Variants in MSRA observed in about 807,000 individuals in gnomAD.
MSRA encodes the protein methionine sulfoxide reductase A, also known as mitochondrial peptide methionine sulfoxide reductase.
Under a neutral mutation model 31.3 loss-of-function variants are expected in MSRA, and 54 were observed. The observed-to-expected ratio is 1.73, with a 90% CI of 1.39 to 2.17. The LOEUF (loss-of-function observed/expected upper bound fraction) is 2.17, where lower values mean the gene tolerates loss of function less well. Among genes scored for constraint, MSRA ranks in the 30% most tolerant of loss-of-function variants. The pLI is 0.00. For missense variants in MSRA, 507 were observed against 300.9 expected, an observed-to-expected ratio of 1.69 and a Z score of -5.07; for synonymous variants, 169 against 116.5, an observed-to-expected ratio of 1.45 and a Z score of -2.90.
At chr8:10,263,255 G>A (rs1042079732) in intron 3 of MSRA, among the ~76,000 whole-genome samples, 2 of 152,048 alleles carry the variant, frequency 1.3e-5, no homozygotes, top group Non-Finnish European at 1.5e-5. Context: ...CTTCCCTACT[G>A]GCCTCACCAT....
chr8:10,245,265 G>A, intron 3 of MSRA, 42 bp downstream of exon 3: 2 of 1,591,216 alleles, frequency 1.3e-6, no homozygotes, highest in South Asian at 1.1e-5. Flanking sequence ...GAGAAACAAG[G>A]GAGGGCTTGT....
At chr8:10,093,725 T>C (rs919850451) in intron 1 of MSRA, among the ~76,000 whole-genome samples, 119 of 152,254 alleles carry the variant, frequency 7.8e-4, no homozygotes, top group Admixed American at 7.6e-3. Flanking sequence ...CCTATATTTC[T>C]TCATTGATTT....
intron 1 of MSRA, among the ~76,000 whole-genome samples, chr8:10,089,225 T>G (rs1323318509): frequency 6.6e-6 from 1 of 152,240 alleles, no homozygotes; most frequent in Non-Finnish European, 1.5e-5. Flanking sequence ...GCCATCTATA[T>G]GCATCCCGTA....
At chr8:10,054,759 G>A in intron 1 of MSRA, 101 bp downstream of exon 1, 18 of 1,271,066 alleles carry the variant, frequency 1.4e-5, no homozygotes, top group Non-Finnish European at 1.8e-5. Context: ...CCGTGGGCTG[G>A]CCTCGGGCGG....
intron 5 of MSRA, among the ~76,000 whole-genome samples, chr8:10,416,227 C>T (rs1020831477): frequency 6.6e-6 from 1 of 152,188 alleles, no homozygotes; most frequent in Non-Finnish European, 1.5e-5. Context: ...GTGCCTAGCC[C>T]GGTCCTTGAC....
intron 1 of MSRA, among the ~76,000 whole-genome samples, chr8:10,191,655 A>T (rs1807516951): frequency 6.6e-6 from 1 of 152,148 alleles, no homozygotes; most frequent in African/African-American, 2.4e-5. Context: ...CCACATAGAG[A>T]TAGTCTCCAA....
chr8:10,060,262 T>C (rs902887114), intron 1 of MSRA, among the ~76,000 whole-genome samples: 2 of 152,146 alleles, frequency 1.3e-5, no homozygotes, highest in Admixed American at 6.5e-5. Context: ...ATTGTCACAA[T>C]GGATATGCAG....
intron 3 of MSRA, among the ~76,000 whole-genome samples, chr8:10,283,832 T>TACACACACAC (rs1338639680): frequency 9.2e-5 from 6 of 65,324 alleles, no homozygotes; most frequent in Non-Finnish European, 1.5e-4. Flanking sequence ...TATATATATA[T>TACACACACAC]ATATACACAC....
intron 5 of MSRA, among the ~76,000 whole-genome samples, chr8:10,395,587 C>T (rs1056655180): frequency 2.0e-5 from 3 of 152,170 alleles, no homozygotes; most frequent in African/African-American, 4.8e-5. Context: ...AAGGCTCTTG[C>T]AGAAGTCCAG....
intron 5 of MSRA, among the ~76,000 whole-genome samples, chr8:10,366,497 G>A (rs890496284): frequency 2.0e-5 from 3 of 152,258 alleles, no homozygotes; most frequent in African/African-American, 7.2e-5. Flanking sequence ...CGGAGTCAAG[G>A]CATGCTGCCT....
Position 10,207,870 on chromosome 8 carries a change from T to C in MSRA, c.180T>C (p.Pro60=), listed in dbSNP as rs1453010619. Residue 60 remains proline (P), a synonymous_variant, in exon 2 of 6, where the codon CCT becomes CCC. Coordinates refer to ENST00000317173, the MANE Select transcript of MSRA (RefSeq NM_012331.5). ...HHVNGNRTVE[P]FPEGTQMAVF... is the part of the protein sequence containing the mutation. ...TCAATGGCAACAGAACAGTCGAACC[T>C]TTCCCAGAGGGAACACAGATGGCTG... is the stretch of plus-strand genomic sequence containing the variant. 1 of 1,612,974 alleles carries C rather than the reference T, an allele frequency of 6.2e-7. No homozygotes were observed. The highest frequency in any genetic ancestry group is 1.1e-5 in the South Asian group (1 of 90,812).
chr8:10,411,891 G>T (rs1808179627), intron 5 of MSRA, among the ~76,000 whole-genome samples: 1 of 138,890 alleles, frequency 7.2e-6, no homozygotes. Context: ...TTTCCCAGGG[G>T]TGGCGAACAG....
At chr8:10,105,852 C>T (rs1361668665) in intron 1 of MSRA, among the ~76,000 whole-genome samples, 1 of 152,160 alleles carries the variant, frequency 6.6e-6, no homozygotes, top group Non-Finnish European at 1.5e-5. Context: ...CAAAACCCAC[C>T]TAATCTTCCA....
intron 5 of MSRA, among the ~76,000 whole-genome samples, chr8:10,375,045 A>G (rs999753849): frequency 2.0e-5 from 3 of 152,202 alleles, no homozygotes; most frequent in African/African-American, 7.2e-5. Context: ...AGCCAAACAG[A>G]TGCTGGTGCT....
At chr8:10,173,749 G>C (rs1805800961) in intron 1 of MSRA, among the ~76,000 whole-genome samples, 1 of 152,058 alleles carries the variant, frequency 6.6e-6, no homozygotes, top group Non-Finnish European at 1.5e-5. Flanking sequence ...CTGTTTTCTT[G>C]TCACTCTTTT....
At chr8:10,123,678 G>C (rs1373507627) in intron 1 of MSRA, among the ~76,000 whole-genome samples, 1 of 152,008 alleles carries the variant, frequency 6.6e-6, no homozygotes, top group Non-Finnish European at 1.5e-5. Flanking sequence ...TTTCTATGTG[G>C]TGTAAGGAAT....
intron 4 of MSRA, among the ~76,000 whole-genome samples, chr8:10,310,679 T>A (rs17151697): frequency 0.15 from 22,242 of 152,160 alleles, 1,968 homozygotes; most frequent in African/African-American, 0.24. Flanking sequence ...AAAGGCCCAG[T>A]GAGGTGAAGT....
chr8:10,238,193 C>T (rs757842630), intron 2 of MSRA, among the ~76,000 whole-genome samples: 13 of 152,178 alleles, frequency 8.5e-5, no homozygotes, highest in Non-Finnish European at 1.8e-4. Context: ...GGACTGCTTT[C>T]TCTACCCCTT....
At chr8:10,215,181 C>G (rs577541707) in intron 2 of MSRA, among the ~76,000 whole-genome samples, 22 of 152,272 alleles carry the variant, frequency 1.4e-4, no homozygotes, top group Non-Finnish European at 2.6e-4. Flanking sequence ...TCTCCCATTT[C>G]GGTTGTAAGT....
Sources: allele counts gnomAD v4.1 joint callset (sites outside exome capture counted in the v4.1 genomes callset), GRCh38; gene constraint gnomAD v4.1.1; transcripts MANE v1.5; gene names NCBI Gene and HGNC (gene_info 2026-07-23, HGNC 2026-07-21).